The following TCP11L2 variants were observed in gnomAD, a reference collection of about 807,000 sequenced individuals.
TCP11L2 encodes t-complex 11 like 2.
In TCP11L2, 39 loss-of-function variants were observed where a neutral mutation model predicts 50.7. The observed-to-expected ratio is 0.77, with a 90% CI of 0.60 to 1.01. The LOEUF is 1.01. Among genes scored for constraint, TCP11L2 ranks in the 50% least tolerant of loss-of-function variants. The pLI is 0.00. For synonymous variants in TCP11L2, 192 were observed against 219.3 expected, an observed-to-expected ratio of 0.88 and a Z score of 1.10; for missense variants, 612 against 614.7, an observed-to-expected ratio of 1.00 and a Z score of 0.05.
upstream of TCP11L2, among the ~76,000 whole-genome samples, chr12:106,301,467 G>T (rs1445040563): frequency 1.3e-5 from 2 of 152,186 alleles, no homozygotes; most frequent in Non-Finnish European, 1.5e-5. Context: ...AGATCTCATG[G>T]ATAGTGAATG....
At chr12:106,315,247 A>AC (rs2035032469) in intron 3 of TCP11L2, among the ~76,000 whole-genome samples, 1 of 152,110 alleles carries the variant, frequency 6.6e-6, no homozygotes, top group South Asian at 2.1e-4. Flanking sequence ...AACAAAAACA[A>AC]AAACAAACAA....
At chr12:106,316,012 A>G (rs2035065630) in intron 3 of TCP11L2, among the ~76,000 whole-genome samples, 1 of 152,252 alleles carries the variant, frequency 6.6e-6, no homozygotes, top group South Asian at 2.1e-4. Context: ...CTTCTTTAAA[A>G]TGTGGATCAT....
At chr12:106,307,540 T>A (rs991396547) in intron 1 of TCP11L2, among the ~76,000 whole-genome samples, 1 of 152,224 alleles carries the variant, frequency 6.6e-6, no homozygotes, top group African/African-American at 2.4e-5. Flanking sequence ...TTTAAAGCAA[T>A]CTAAATATCC....
At position 106,311,060 on chromosome 12, in the gene TCP11L2, A is replaced by G; in HGVS notation, c.-16A>G. 6.2e-7 allele frequency: 1 copy of G among 1,613,530 alleles called. No individual in the cohort carries two copies. The highest frequency in any genetic ancestry group is 8.5e-7 in the Non-Finnish European group (1 of 1,179,638). On this transcript the variant is annotated 5_prime_UTR_variant, in exon 2 of 10. Transcript: ENST00000299045. Reference sequence around the variant, plus strand: ...GTGCAGGTGCTACCTTTTTACCCACACTTAAGTGACGCAAAATGCCCTTCA... The same window carrying G: ...GTGCAGGTGCTACCTTTTTACCCACGCTTAAGTGACGCAAAATGCCCTTCA...
At chr12:106,298,598 T>C (rs2034377130), upstream of TCP11L2, among the ~76,000 whole-genome samples, 1 of 152,208 alleles carries the variant, frequency 6.6e-6, no homozygotes. Flanking sequence ...CTCAGCTCAC[T>C]GCAACCTCCG....
At chr12:106,323,714 T>C (rs751260037) in intron 6 of TCP11L2, 68 bp downstream of exon 6, 5 of 186,302 alleles carry the variant, frequency 2.7e-5, no homozygotes, top group Non-Finnish European at 3.8e-5. Context: ...TGTTAAAATT[T>C]AAATTAAATT....
intron 9 of TCP11L2, 135 bp downstream of exon 9, chr12:106,341,133 A>T (rs2036083825): frequency 1.3e-6 from 1 of 752,202 alleles, no homozygotes; most frequent in Admixed American, 2.7e-5. Context: ...AAATATCAAG[A>T]AATATTAATG....
At chr12:106,314,879 C>G (rs1028999243) in intron 3 of TCP11L2, among the ~76,000 whole-genome samples, 11 of 151,646 alleles carry the variant, frequency 7.3e-5, no homozygotes, top group African/African-American at 2.7e-4. Flanking sequence ...GTGGCATGAG[C>G]CTGTAATTAC....
intron 2 of TCP11L2, 146 bp downstream of exon 2, chr12:106,311,378 T>C: frequency 1.1e-6 from 1 of 881,040 alleles, no homozygotes; most frequent in Non-Finnish European, 1.7e-6. Flanking sequence ...CACTGCAGCT[T>C]TCCGGGACAC....
chr12:106,318,802 C>G (rs1017501743), intron 4 of TCP11L2, among the ~76,000 whole-genome samples: 33 of 152,216 alleles, frequency 2.2e-4, no homozygotes, highest in Admixed American at 3.3e-4. Context: ...CCTCTGCCTC[C>G]CGGGTTCAAG....
chr12:106,335,323 T>C (rs1432556600), intron 6 of TCP11L2, among the ~76,000 whole-genome samples: 1 of 152,190 alleles, frequency 6.6e-6, no homozygotes, highest in Non-Finnish European at 1.5e-5. Context: ...GGACCAGCAA[T>C]ACAGATTTGT....
chr12:106,326,642 GAGGTTA>G (rs2035555348), intron 6 of TCP11L2, among the ~76,000 whole-genome samples: 2 of 152,312 alleles, frequency 1.3e-5, no homozygotes, highest in South Asian at 4.1e-4. Context: ...TGAGGAAAGT[GAGGTTA>G]AGGTACTTAG....
intron 8 of TCP11L2, among the ~76,000 whole-genome samples, chr12:106,337,721 G>A (rs2035964579): frequency 6.6e-6 from 1 of 152,200 alleles, no homozygotes; most frequent in African/African-American, 2.4e-5. Flanking sequence ...TTCCTCACTT[G>A]TAAGAAGGGA....
chr12:106,318,594 C>A, intron 4 of TCP11L2, 130 bp downstream of exon 4: 2 of 1,142,076 alleles, frequency 1.8e-6, no homozygotes, highest in Non-Finnish European at 2.4e-6. Flanking sequence ...CTGGGAAGTC[C>A]AAAATCAAAG....
chr12:106,323,591 C>G lies in TCP11L2; in HGVS notation c.717C>G (p.Arg239=). 6.2e-7 allele frequency: 1 copy of G among 1,606,474 alleles called. No individual in the cohort carries two copies. Among genetic ancestry groups the G allele is most frequent in the Non-Finnish European group, 8.5e-7 (1 of 1,176,486 alleles). Residue 239 remains arginine, a synonymous_variant, in exon 6 of 10, where the codon CGC becomes CGG. Coordinates refer to ENST00000299045, the MANE Select transcript of TCP11L2 (RefSeq NM_152772.3). ...TIMSLRPHLQ[R]QLVEYERTKF... The stretch of plus-strand genomic sequence containing the variant: ...TGAGTCTCAGACCGCACCTTCAACG[C>G]CAGTTGGTGGAATATGAGAGAACCA...
At chr12:106,310,082 T>A (rs1592929162) in intron 1 of TCP11L2, among the ~76,000 whole-genome samples, 1 of 152,138 alleles carries the variant, frequency 6.6e-6, no homozygotes. Flanking sequence ...GCCTGGCTGG[T>A]GCTCCTGGGA....
chr12:106,302,487 G>A (rs2034454064), upstream of TCP11L2, among the ~76,000 whole-genome samples: 1 of 150,652 alleles, frequency 6.6e-6, no homozygotes, highest in Non-Finnish European at 1.5e-5. Context: ...CGTCGGCTCG[G>A]CGGCCTCAGT....
intron 6 of TCP11L2, among the ~76,000 whole-genome samples, chr12:106,331,288 C>A (rs1324665248): frequency 6.6e-6 from 1 of 152,002 alleles, no homozygotes; most frequent in Non-Finnish European, 1.5e-5. Context: ...TGAGATTCTG[C>A]TCCCTCAAGC....
rs368565585 is a variant in TCP11L2 at position 106,311,103 on chromosome 12, G to A, written c.28G>A (p.Val10Met). Reference sequence around the variant, plus strand: ...GCCCTTCAATGGCGAGAAGCAGTGTGTGGGAGAGGACCAGCCAAGCGATTC... The same window carrying A: ...GCCCTTCAATGGCGAGAAGCAGTGTATGGGAGAGGACCAGCCAAGCGATTC... MPFNGEKQC[V>M]GEDQPSDSDS... The change falls in exon 2 of 10, where the codon GTG (valine) becomes ATG (methionine). Residue 10 changes from valine (V) to methionine (M), a missense_variant. Physicochemically the swap from Val to Met is conservative, Grantham distance 21. Transcript: ENST00000299045. 6.8e-6 allele frequency: 11 copies of A among 1,614,098 alleles called. No homozygotes were observed. The highest frequency in any genetic ancestry group is 1.3e-5 in the African/African-American group (1 of 74,932).
Sources: allele counts gnomAD v4.1 joint callset (sites outside exome capture counted in the v4.1 genomes callset), GRCh38; gene constraint gnomAD v4.1.1; transcripts MANE v1.5; gene names NCBI Gene and HGNC (gene_info 2026-07-23, HGNC 2026-07-21).